Variants in DNAJC1 observed in about 807,000 individuals in gnomAD.
DNAJC1 encodes the protein dnaJ homolog subfamily C member 1.
DNAJC1 carries 58 observed loss-of-function variants against 76.6 expected under a neutral mutation model. The ratio of observed to expected loss-of-function variants is 0.76; its 90% confidence interval spans 0.61 to 0.94. DNAJC1 has a LOEUF of 0.94. Ranked by LOEUF, DNAJC1 falls within the 40% of genes least tolerant of loss-of-function variation. The pLI is 0.00. For synonymous variants in DNAJC1, 258 were observed against 267.9 expected (o/e 0.96, Z 0.36); for missense variants, 689 against 677.3 (o/e 1.02, Z -0.19).
chr10:21,945,590 T>G (rs1244894907), intron 1 of DNAJC1, among the ~76,000 whole-genome samples: 1 of 152,102 alleles, frequency 6.6e-6, no homozygotes, highest in South Asian at 2.1e-4. Flanking sequence ...AGAGGATACA[T>G]GTAGGTCTAA....
intron 1 of DNAJC1, among the ~76,000 whole-genome samples, chr10:21,948,217 A>G (rs976093088): frequency 1.3e-5 from 2 of 151,936 alleles, no homozygotes; most frequent in Non-Finnish European, 2.9e-5. Context: ...CAGCCTCCCA[A>G]GTAGCTGGGA....
rs1313292670 is a variant in DNAJC1, at chr10:21,928,532, A to C, written c.345T>G (p.Val115=). Reference sequence around the variant, plus strand: ...TCTGCCTTCGTTCATCATCCTTTAAAACTTCATAAATGGCCACCAACTAAA... The same window carrying C: ...TCTGCCTTCGTTCATCATCCTTTAACACTTCATAAATGGCCACCAACTAAA... The part of the protein sequence containing the change: ...QFRQLVAIYE[V]LKDDERRQRY... The change falls in exon 3 of 12, where the codon GTT becomes GTG. Residue 115 remains valine (V), a synonymous_variant. Transcript: ENST00000376980. The C allele has an allele frequency of 6.2e-7, 1 of 1,613,106 alleles. No homozygotes were observed. Among genetic ancestry groups the C allele is most frequent in the African/African-American group, 1.3e-5 (1 of 74,890 alleles).
At chr10:21,930,263 C>A (rs1333511123) in intron 1 of DNAJC1, among the ~76,000 whole-genome samples, 1 of 152,182 alleles carries the variant, frequency 6.6e-6, no homozygotes, top group African/African-American at 2.4e-5. Flanking sequence ...GTGTGAGCCA[C>A]CGCGCCTGGC....
intron 7 of DNAJC1, among the ~76,000 whole-genome samples, chr10:21,896,921 C>T (rs983040368): frequency 2.0e-5 from 3 of 152,172 alleles, no homozygotes; most frequent in Admixed American, 2.0e-4. Context: ...CAGCATTCAA[C>T]CCCTTTTCCC....
rs74450790 is a variant in DNAJC1, at chr10:21,999,117, A to C, written c.222+4096T>G. On this transcript the variant is annotated intron_variant, in intron 1 of 11. Coordinates refer to ENST00000376980, the MANE Select transcript of DNAJC1 (RefSeq NM_022365.4). Reference sequence around the variant, plus strand: ...TACCATCTCTGCCTTCTAGTTTAGGATATGGATATCTCAAAAGAATGTTCT... The same window carrying C: ...TACCATCTCTGCCTTCTAGTTTAGGCTATGGATATCTCAAAAGAATGTTCT... Among the ~76,000 whole-genome samples, 16 of 152,334 alleles carry C rather than the reference A, an allele frequency of 1.1e-4. No homozygotes were observed. The East Asian group carries it at 3.1e-3, about 29-fold the overall frequency.
At chr10:21,842,017 T>C (rs1427574415) in intron 8 of DNAJC1, among the ~76,000 whole-genome samples, 1 of 145,628 alleles carries the variant, frequency 6.9e-6, no homozygotes, top group Non-Finnish European at 1.5e-5. Flanking sequence ...AAACAACGCA[T>C]GTTCTCACTC....
chr10:21,892,960 T>C (rs1036111634), intron 7 of DNAJC1, among the ~76,000 whole-genome samples: 3 of 152,120 alleles, frequency 2.0e-5, no homozygotes, highest in East Asian at 1.9e-4. Context: ...CAATAATTAA[T>C]AGCATAACTA....
intron 6 of DNAJC1, among the ~76,000 whole-genome samples, chr10:21,910,420 T>C (rs1408113035): frequency 1.3e-5 from 2 of 152,216 alleles, no homozygotes; most frequent in African/African-American, 4.8e-5. Flanking sequence ...TTTAACATTC[T>C]TGACATAGTT....
chr10:21,867,496 C>G lies in DNAJC1; in HGVS notation c.978+14786G>C, dbSNP rs373891352. 2.6e-5 allele frequency among the ~76,000 whole-genome samples: 4 copies of G among 152,068 alleles called. No individual in the cohort carries two copies. In the East Asian group the frequency reaches 7.7e-4, roughly 29 times the overall value. On this transcript the variant is annotated intron_variant, in intron 8 of 11. Coordinates refer to ENST00000376980, the MANE Select transcript of DNAJC1 (RefSeq NM_022365.4). The stretch of plus-strand genomic sequence containing the variant: ...TGAGAAAGGAATAATACAAGGTGGT[C>G]CCTGAGAGGAATAATACAAGGTGAT...
chr10:21,779,864 G>A (rs1016539602), intron 9 of DNAJC1, among the ~76,000 whole-genome samples: 1 of 152,248 alleles, frequency 6.6e-6, no homozygotes, highest in South Asian at 2.1e-4. Flanking sequence ...TTAGACGAAT[G>A]GCTAACTAGA....
At chr10:21,834,462 AGACAGTAGGTGCAG>A (rs1251722913) in intron 8 of DNAJC1, among the ~76,000 whole-genome samples, 1 of 152,204 alleles carries the variant, frequency 6.6e-6, no homozygotes, top group Non-Finnish European at 1.5e-5. Flanking sequence ...GGGGAGTACC[AGACAGTAGGTGCAG>A]GACAGTAGGT....
chr10:21,984,649 T>C (rs1410785218), intron 1 of DNAJC1, among the ~76,000 whole-genome samples: 2 of 152,230 alleles, frequency 1.3e-5, no homozygotes, highest in African/African-American at 4.8e-5. Flanking sequence ...TAGTCTGCCA[T>C]ATATATTTAA....
At chr10:21,771,829 C>T (rs902491043) in intron 9 of DNAJC1, among the ~76,000 whole-genome samples, 1 of 152,164 alleles carries the variant, frequency 6.6e-6, no homozygotes, top group African/African-American at 2.4e-5. Context: ...TCGTGTGATA[C>T]TGCTTTTTAT....
chr10:21,998,205 A>G (rs1358008635), intron 1 of DNAJC1, among the ~76,000 whole-genome samples: 1 of 152,050 alleles, frequency 6.6e-6, no homozygotes, highest in Non-Finnish European at 1.5e-5. Flanking sequence ...GGCCTGACCA[A>G]CATGGCGAAA....
At chr10:21,856,770 C>T (rs1002898366) in intron 8 of DNAJC1, among the ~76,000 whole-genome samples, 1 of 151,882 alleles carries the variant, frequency 6.6e-6, no homozygotes, top group African/African-American at 2.4e-5. Flanking sequence ...GAGTCTCACT[C>T]TTCTCACCCA....
intron 8 of DNAJC1, among the ~76,000 whole-genome samples, chr10:21,827,818 A>C (rs1160800802): frequency 6.6e-6 from 1 of 152,194 alleles, no homozygotes; most frequent in Non-Finnish European, 1.5e-5. Flanking sequence ...TACATTGATG[A>C]CTACATATAA....
intron 9 of DNAJC1, among the ~76,000 whole-genome samples, chr10:21,785,783 G>A (rs1834598571): frequency 6.6e-6 from 1 of 152,168 alleles, no homozygotes; most frequent in Non-Finnish European, 1.5e-5. Flanking sequence ...ACAGGAAATG[G>A]AAGGCAGAGA....
chr10:21,844,821 A>G (rs78546707), intron 8 of DNAJC1, among the ~76,000 whole-genome samples: 4,380 of 152,264 alleles, frequency 0.029, 99 homozygotes, highest in Middle Eastern at 0.065. Flanking sequence ...GATCAATTGA[A>G]CGTGAGCTCA....
At chr10:21,904,079 T>C (rs1236699869) in intron 7 of DNAJC1, among the ~76,000 whole-genome samples, 1 of 152,210 alleles carries the variant, frequency 6.6e-6, no homozygotes, top group Admixed American at 6.5e-5. Flanking sequence ...TTATACAAAG[T>C]TGTTCATACT....
Sources: gnomAD v4.1 joint callset for allele counts (sites outside exome capture counted in the v4.1 genomes callset) on GRCh38, gnomAD v4.1.1 for gene constraint, MANE v1.5 for transcripts, NCBI Gene and HGNC (gene_info 2026-07-23, HGNC 2026-07-21) for gene names.